The following PDE10A variants were observed in gnomAD, a reference collection of about 807,000 sequenced individuals.
The protein encoded by PDE10A is cAMP and cAMP-inhibited cGMP 3',5'-cyclic phosphodiesterase 10A.
PDE10A carries 39 observed loss-of-function variants against 97.7 expected under a neutral mutation model. The ratio of observed to expected loss-of-function variants is 0.40; its 90% confidence interval spans 0.31 to 0.52. The LOEUF is 0.52. PDE10A is among the 20% of genes least tolerant of loss of function. The probability of loss-of-function intolerance (pLI) is 0.56; values close to 1 mark genes in which losing one functional copy is unlikely to be tolerated. For missense variants in PDE10A, 731 were observed against 1,047.8 expected (o/e 0.70, Z 4.17); for synonymous variants, 371 against 376.8 (o/e 0.98, Z 0.18).
intron 10 of PDE10A, 120 bp downstream of exon 10, chr6:165,428,538 C>T: frequency 5.0e-6 from 3 of 602,560 alleles, no homozygotes; most frequent in South Asian, 2.1e-5. Flanking sequence ...ATTCCTAAGC[C>T]ACCACATTTT....
At chr6:165,472,617 G>C (rs981350307) in intron 3 of PDE10A, among the ~76,000 whole-genome samples, 1 of 151,862 alleles carries the variant, frequency 6.6e-6, no homozygotes, top group Non-Finnish European at 1.5e-5. Flanking sequence ...TTTTACATTT[G>C]GGTTTAAAAA....
chr6:165,736,918 C>T (rs182597912), intron 1 of PDE10A, among the ~76,000 whole-genome samples: 2 of 151,914 alleles, frequency 1.3e-5, no homozygotes, highest in Admixed American at 1.3e-4. Flanking sequence ...AGTTGACTAA[C>T]AAAAAAGAGC....
intron 2 of PDE10A, among the ~76,000 whole-genome samples, chr6:165,522,382 A>G (rs887583430): frequency 2.6e-5 from 4 of 152,214 alleles, no homozygotes; most frequent in African/African-American, 4.8e-5. Flanking sequence ...CCTGATGAAC[A>G]TAGATGGAAA....
intron 1 of PDE10A, among the ~76,000 whole-genome samples, chr6:165,874,128 G>A (rs1354613647): frequency 6.6e-6 from 1 of 152,214 alleles, no homozygotes; most frequent in Non-Finnish European, 1.5e-5. Flanking sequence ...CACTGCTCAG[G>A]AGACAGGGGA....
intron 5 of PDE10A, among the ~76,000 whole-genome samples, chr6:165,442,117 G>T (rs987769645): frequency 1.3e-5 from 2 of 151,970 alleles, no homozygotes; most frequent in African/African-American, 4.8e-5. Context: ...ACCTCAGACT[G>T]GGTCATTTAT....
At chr6:165,843,799 T>C (rs1408310560) in intron 1 of PDE10A, among the ~76,000 whole-genome samples, 1 of 152,208 alleles carries the variant, frequency 6.6e-6, no homozygotes, top group Non-Finnish European at 1.5e-5. Context: ...AGCCTGAGCC[T>C]ATCCCGGAGG....
At chr6:165,900,041 C>T (rs916844375) in intron 1 of PDE10A, among the ~76,000 whole-genome samples, 9 of 152,196 alleles carry the variant, frequency 5.9e-5, no homozygotes, top group African/African-American at 1.9e-4. Flanking sequence ...GGGAGGCAAG[C>T]AGGACTCCCA....
intron 1 of PDE10A, among the ~76,000 whole-genome samples, chr6:165,801,834 G>T (rs1413645314): frequency 6.6e-6 from 1 of 152,140 alleles, no homozygotes; most frequent in Admixed American, 6.5e-5. Context: ...GAGAGAAAGA[G>T]GTTGTTGGTT....
At chr6:165,506,767 T>C (rs1272024989) in intron 2 of PDE10A, among the ~76,000 whole-genome samples, 1 of 152,162 alleles carries the variant, frequency 6.6e-6, no homozygotes, top group African/African-American at 2.4e-5. Flanking sequence ...GCTTTTTATT[T>C]GTAGAGTATT....
chr6:165,936,310 G>A (rs76057161), intron 1 of PDE10A, among the ~76,000 whole-genome samples: 6,598 of 152,294 alleles, frequency 0.043, 201 homozygotes, highest in Non-Finnish European at 0.061. Flanking sequence ...GAACCATGGA[G>A]AGAATGTGGA....
intron 1 of PDE10A, among the ~76,000 whole-genome samples, chr6:165,925,279 A>G (rs138473022): frequency 4.6e-4 from 70 of 152,328 alleles, no homozygotes; most frequent in Middle Eastern, 3.4e-3. Context: ...AAACTAGATC[A>G]CTCGTACATT....
In PDE10A at chr6:165,611,237, T is replaced by C. The variant is rs184829246; in HGVS notation, c.865+50710A>G. 1.5e-3 allele frequency among the ~76,000 whole-genome samples: 222 copies of C among 152,254 alleles called. 1 individual carries two copies. The highest frequency in any genetic ancestry group is 5.1e-3 in the African/African-American group (213 of 41,554). On this transcript the variant is annotated intron_variant, in intron 1 of 21. Coordinates refer to ENST00000539869, the MANE Select transcript of PDE10A (RefSeq NM_001385079.1). ...CTGTGTATGAAAAGGAAATACATAA[T>C]TGTTGTACTAAGCCATTGAGAATTT...
At chr6:165,548,763 T>C (rs1485011040) in intron 1 of PDE10A, among the ~76,000 whole-genome samples, 4 of 152,182 alleles carry the variant, frequency 2.6e-5, no homozygotes, top group Non-Finnish European at 5.9e-5. Context: ...GAAGAGAAAC[T>C]TAGCTTCATC....
At chr6:165,792,858 G>A (rs1224361584) in intron 1 of PDE10A, among the ~76,000 whole-genome samples, 2 of 152,126 alleles carry the variant, frequency 1.3e-5, no homozygotes, top group East Asian at 3.9e-4. Flanking sequence ...ATACTTAGAG[G>A]TTTTAAGTGT....
intron 2 of PDE10A, among the ~76,000 whole-genome samples, chr6:165,506,056 C>A (rs1583427364): frequency 1.3e-5 from 2 of 152,244 alleles, no homozygotes; most frequent in East Asian, 3.9e-4. Context: ...AGACAGTATT[C>A]CTGTCGGGAA....
chr6:165,413,801 G>T, intron 12 of PDE10A, 114 bp from the exon 13 acceptor site: 1 of 732,160 alleles, frequency 1.4e-6, no homozygotes, highest in Admixed American at 2.9e-5. Flanking sequence ...TGCTTCTATT[G>T]CATATGACTA....
chr6:165,503,180 G>A (rs536281212), intron 2 of PDE10A, among the ~76,000 whole-genome samples: 1 of 152,154 alleles, frequency 6.6e-6, no homozygotes, highest in African/African-American at 2.4e-5. Context: ...CCAGCTGAGG[G>A]CAGCAGCAGG....
At chr6:165,546,338 G>A (rs567100167) in intron 1 of PDE10A, among the ~76,000 whole-genome samples, 2 of 152,118 alleles carry the variant, frequency 1.3e-5, no homozygotes, top group Admixed American at 1.3e-4. Context: ...ACACTATAAC[G>A]ATGAATACAT....
intron 21 of PDE10A, 51 bp from the exon 22 acceptor site, chr6:165,333,178 A>C: frequency 8.5e-7 from 1 of 1,169,698 alleles, no homozygotes; most frequent in Non-Finnish European, 1.3e-6. Context: ...GGATTTCTGG[A>C]CTTTGTCTTG....
Sources: allele counts gnomAD v4.1 joint callset (sites outside exome capture counted in the v4.1 genomes callset), GRCh38; gene constraint gnomAD v4.1.1; transcripts MANE v1.5; gene names NCBI Gene and HGNC (gene_info 2026-07-23, HGNC 2026-07-21).